The following FMNL3 variants were observed in gnomAD, a reference collection of about 807,000 sequenced individuals.
FMNL3 encodes formin like 3, also known as formin-like protein 3.
FMNL3 carries 57 observed loss-of-function variants against 119.6 expected under a neutral mutation model. The ratio of observed to expected loss-of-function variants is 0.48; its 90% CI spans 0.39 to 0.59. The LOEUF is 0.59. FMNL3 is among the 20% of genes least tolerant of loss of function. The pLI, the probability that FMNL3 is intolerant of heterozygous loss-of-function variation, is 0.00. For synonymous variants in FMNL3, 491 were observed against 507.3 expected, an observed-to-expected ratio of 0.97 and a Z score of 0.43; for missense variants, 1,053 against 1,323.5, an observed-to-expected ratio of 0.80 and a Z score of 3.17.
chr12:49,653,117 C>G, intron 13 of FMNL3, 109 bp downstream of exon 13: 1 of 1,028,620 alleles, frequency 9.7e-7, no homozygotes, highest in Non-Finnish European at 1.5e-6. Context: ...AAGGGTGAAT[C>G]AAGATCTAAA....
intron 4 of FMNL3, among the ~76,000 whole-genome samples, chr12:49,663,238 G>C (rs548098157): frequency 1.2e-4 from 18 of 152,110 alleles, no homozygotes; most frequent in African/African-American, 4.3e-4. Context: ...CTGCTATTTC[G>C]GGATCTTGAC....
chr12:49,657,327 C>T (rs2138788439), intron 6 of FMNL3, 137 bp from the exon 7 acceptor site: 2 of 646,550 alleles, frequency 3.1e-6, no homozygotes, highest in South Asian at 3.6e-5. Context: ...TACCAACAGC[C>T]AAGAGGGACA....
At chr12:49,677,555 A>C (rs1944224117) in intron 1 of FMNL3, among the ~76,000 whole-genome samples, 1 of 152,266 alleles carries the variant, frequency 6.6e-6, no homozygotes, top group African/African-American at 2.4e-5. Flanking sequence ...CCTATATAGT[A>C]AATATTACAC....
intron 22 of FMNL3, 39 bp downstream of exon 22, chr12:49,648,154 T>C: frequency 6.3e-7 from 1 of 1,584,556 alleles, no homozygotes; most frequent in Non-Finnish European, 8.6e-7. Flanking sequence ...CCTGGTGCCT[T>C]GGCCCTGGTT....
chr12:49,655,025 G>T, intron 9 of FMNL3, 41 bp from the exon 10 acceptor site: 1 of 1,594,944 alleles, frequency 6.3e-7, no homozygotes, highest in Non-Finnish European at 8.6e-7. Context: ...TCTGCTCCAT[G>T]CAGAACCCAA....
At position 49,645,501 on chromosome 12, in the gene FMNL3, C is replaced by G; in HGVS notation, c.*314G>C. On this transcript the variant is annotated 3_prime_UTR_variant, in exon 26 of 26. Transcript: ENST00000335154. ...CTCTCTCCTCTCATCCCTCTGGGCTCTAGTGGGAGAGATCTATGTGCCCTG... is the reference window on the plus strand; with the variant it reads ...CTCTCTCCTCTCATCCCTCTGGGCTGTAGTGGGAGAGATCTATGTGCCCTG... 3.0e-6 allele frequency: 1 copy of G among 336,932 alleles called. No homozygotes were observed. The allele number at this position is 336,932 out of a possible 1,614,324, so 20.9% of individuals were successfully genotyped here. A position where few individuals can be genotyped will look rare whatever the true frequency, so the allele number is the denominator to read the frequency against.
At chr12:49,669,061 T>G (rs896023307) in intron 1 of FMNL3, among the ~76,000 whole-genome samples, 33 of 152,084 alleles carry the variant, frequency 2.2e-4, no homozygotes, top group Admixed American at 1.9e-3. Context: ...TCCATTCCCA[T>G]GGGCAAATCC....
intron 1 of FMNL3, chr12:49,688,296 C>A: frequency 2.4e-6 from 1 of 412,608 alleles, no homozygotes; most frequent in Non-Finnish European, 4.9e-6. Context: ...CAAACTGCTG[C>A]CCATAAGGGA....
At position 49,647,789 on chromosome 12, in the gene FMNL3, C is replaced by G; in HGVS notation, c.2692G>C (p.Val898Leu). The change falls in exon 23 of 26, where the codon GTT (valine) becomes CTT (leucine). Residue 898 changes from valine (V) to leucine (L), a missense_variant. Physicochemically the swap from Val to Leu is conservative, Grantham distance 32. Coordinates refer to ENST00000335154, the MANE Select transcript of FMNL3 (RefSeq NM_175736.5). This position sits in a 1 kb window ranked among gnomAD's most constrained non-coding sequence, Gnocchi z 4.9. ...AKTAEEAYNA[V>L]VRYFGESPKT... ...GGACTCTCGCCAAAGTAGCGCACAA[C>G]TGCATTGTAGGCCTCCTGGGGAAGG... 6.2e-7 allele frequency: 1 copy of G among 1,614,122 alleles called. No individual in the cohort carries two copies. Among genetic ancestry groups the G allele is most frequent in the Non-Finnish European group, 8.5e-7 (1 of 1,179,958 alleles).
At position 49,637,583 on chromosome 12, in the gene FMNL3, G is replaced by A. The variant is rs766280125; in HGVS notation, c.*8232C>T. 16 of 1,612,962 alleles carry A rather than the reference G, an allele frequency of 9.9e-6. No individual in the cohort carries two copies. Among genetic ancestry groups the A allele is most frequent in the Admixed American group, 8.3e-5 (5 of 59,996 alleles). ...GCTTTGCCAACATGCTGGGCCAGCC[G>A]GGTAAGGCAGCCAGGCTCCCCCTTC... On this transcript the variant is annotated 3_prime_UTR_variant, in exon 26 of 26. Coordinates refer to ENST00000335154, the MANE Select transcript of FMNL3 (RefSeq NM_175736.5).
intron 1 of FMNL3, among the ~76,000 whole-genome samples, chr12:49,691,571 A>T (rs2139003490): frequency 6.6e-6 from 1 of 152,358 alleles, no homozygotes; most frequent in Non-Finnish European, 1.5e-5. Context: ...GCTTCAGCGC[A>T]AAAGAGCATC....
chr12:49,636,581 C>T lies in FMNL3; in HGVS notation c.*9234G>A, dbSNP rs1941834770. 2 of 1,174,422 alleles carry T rather than the reference C, an allele frequency of 1.7e-6. No homozygotes were observed. The highest frequency in any genetic ancestry group is 2.4e-6 in the Non-Finnish European group (2 of 827,782). The allele number at this position is 1,174,422 out of a possible 1,614,324, so 72.8% of individuals were successfully genotyped here. A position where few individuals can be genotyped will look rare whatever the true frequency, so the allele number is the denominator to read the frequency against. On this transcript the variant is annotated 3_prime_UTR_variant, in exon 26 of 26. Transcript: ENST00000335154. ...TGCAGTGGCTGCTCCCACAGAGCCC[C>T]CTCCAGGCCCTTCCCCCACCACCCT...
intron 1 of FMNL3, among the ~76,000 whole-genome samples, chr12:49,696,703 G>A (rs939973205): frequency 2.0e-5 from 3 of 152,198 alleles, no homozygotes; most frequent in African/African-American, 7.2e-5. Flanking sequence ...CAAAGAGGTA[G>A]ACCCCATCAC....
rs1399556875 is a variant in FMNL3, at chr12:49,641,276, C to T, written c.*4539G>A. On this transcript the variant is annotated 3_prime_UTR_variant, in exon 26 of 26. Coordinates refer to ENST00000335154, the MANE Select transcript of FMNL3 (RefSeq NM_175736.5). Reference sequence around the variant, plus strand: ...CCGTTTCTCCCATGGACTAAGTCATCTGGGTGGGTGTGGTGCTTGAAAGCA... The same window carrying T: ...CCGTTTCTCCCATGGACTAAGTCATTTGGGTGGGTGTGGTGCTTGAAAGCA... 2 of 152,290 alleles carry T rather than the reference C, an allele frequency of 1.3e-5. No individual in the cohort carries two copies. The highest frequency in any genetic ancestry group is 1.5e-5 in the Non-Finnish European group (1 of 68,132). 9.4% of individuals were successfully genotyped at this position (152,290 alleles called of 1,614,324 possible).
chr12:49,649,584 G>T lies in FMNL3; in HGVS notation c.2236-46C>A. The T allele has an allele frequency of 6.2e-7, 1 of 1,613,282 alleles. No individual in the cohort carries two copies. The highest frequency in any genetic ancestry group is 8.5e-7 in the Non-Finnish European group (1 of 1,179,266). On this transcript the variant is annotated intron_variant, in intron 18 of 25. Coordinates refer to ENST00000335154, the MANE Select transcript of FMNL3 (RefSeq NM_175736.5). This position sits in a 1 kb window ranked among gnomAD's most constrained non-coding sequence, Gnocchi z 5.6. The stretch of plus-strand genomic sequence containing the variant: ...TGAAGTAACCCCAGGCTGAGATGGG[G>T]TAAAGACAGGGAGGGGTCAGAAGGA...
rs1249549032 is a variant in FMNL3 at position 49,653,707 on chromosome 12, C to A, written c.1221+18G>T. On this transcript the variant is annotated intron_variant, in intron 12 of 25. Transcript: ENST00000335154. The stretch of plus-strand genomic sequence containing the variant: ...TTCCATCAACAGTGGCTCTGGCAGG[C>A]AAAGGAAGACCACCTACATGGGACA... The A allele has an allele frequency of 6.2e-7, 1 of 1,613,216 alleles. No individual in the cohort carries two copies. The highest frequency in any genetic ancestry group is 8.5e-7 in the Non-Finnish European group (1 of 1,179,550).
At chr12:49,664,788 C>G (rs1943840775) in intron 4 of FMNL3, among the ~76,000 whole-genome samples, 1 of 152,212 alleles carries the variant, frequency 6.6e-6, no homozygotes, top group Non-Finnish European at 1.5e-5. Flanking sequence ...GCTGGCTACA[C>G]ACAGGTGTCC....
intron 1 of FMNL3, among the ~76,000 whole-genome samples, chr12:49,687,616 T>C (rs1944500460): frequency 6.6e-6 from 1 of 152,230 alleles, no homozygotes; most frequent in Admixed American, 6.5e-5. Context: ...GATTTGTTTA[T>C]TGTTCTCCCC....
At chr12:49,674,752 C>T (rs564470597) in intron 1 of FMNL3, among the ~76,000 whole-genome samples, 1 of 152,226 alleles carries the variant, frequency 6.6e-6, no homozygotes, top group African/African-American at 2.4e-5. Flanking sequence ...CTCACAGGCT[C>T]GGAACCATGT....
Sources: allele counts gnomAD v4.1 joint callset (sites outside exome capture counted in the v4.1 genomes callset), GRCh38; gene constraint gnomAD v4.1.1; non-coding constraint Gnocchi (gnomAD v3.1); transcripts MANE v1.5; gene names NCBI Gene and HGNC (gene_info 2026-07-23, HGNC 2026-07-21).